The following CNTNAP5 variants were observed in gnomAD, a reference collection of about 807,000 sequenced individuals.
The protein encoded by CNTNAP5 is contactin-associated protein-like 5.
In CNTNAP5, 72 loss-of-function variants were observed where a neutral mutation model predicts 150.2. The ratio of observed to expected loss-of-function variants is 0.48; its 90% CI spans 0.40 to 0.58. The LOEUF (loss-of-function observed/expected upper bound fraction) is 0.58. Among genes scored for constraint, CNTNAP5 ranks in the 20% least tolerant of loss-of-function variants. The pLI, the probability that CNTNAP5 is intolerant of heterozygous loss-of-function variation, is 0.00. For synonymous variants in CNTNAP5, 672 were observed against 619.8 expected (o/e 1.08, Z -1.25); for missense variants, 1,636 against 1,626.2 (o/e 1.01, Z -0.10).
At chr2:124,759,609 C>G (rs1391408120) in intron 14 of CNTNAP5, among the ~76,000 whole-genome samples, 1 of 151,592 alleles carries the variant, frequency 6.6e-6, no homozygotes, top group East Asian at 1.9e-4. Context: ...ATTCATATAC[C>G]AAGACCTGCT....
chr2:124,190,907 C>T (rs1454659365), intron 1 of CNTNAP5, among the ~76,000 whole-genome samples: 4 of 152,226 alleles, frequency 2.6e-5, no homozygotes, highest in East Asian at 1.9e-4. Flanking sequence ...TTATTTACCC[C>T]GGCATGAGTT....
chr2:124,903,520 A>G (rs570130067), intron 22 of CNTNAP5, among the ~76,000 whole-genome samples: 1 of 152,306 alleles, frequency 6.6e-6, no homozygotes, highest in African/African-American at 2.4e-5. Flanking sequence ...TTATTAAGAA[A>G]TAATTGACAA....
chr2:124,054,079 TCGACTTATCA>T (rs1285359762), intron 1 of CNTNAP5, among the ~76,000 whole-genome samples: 6 of 152,136 alleles, frequency 3.9e-5, no homozygotes, highest in Non-Finnish European at 7.3e-5. Context: ...TAGACAAGGA[TCGACTTATCA>T]CAGTTACAGA....
chr2:124,231,512 G>A (rs749197), intron 2 of CNTNAP5, among the ~76,000 whole-genome samples: 2,297 of 152,182 alleles, frequency 0.015, 70 homozygotes, highest in African/African-American at 0.053. Flanking sequence ...GAATAAAGAT[G>A]CTCTTGACAT....
intron 3 of CNTNAP5, among the ~76,000 whole-genome samples, chr2:124,355,796 C>A (rs1689983530): frequency 6.6e-6 from 1 of 152,022 alleles, no homozygotes; most frequent in Non-Finnish European, 1.5e-5. Flanking sequence ...TTGTAATTTG[C>A]ATTTACTGAA....
intron 3 of CNTNAP5, among the ~76,000 whole-genome samples, chr2:124,362,402 A>T (rs1021689414): frequency 6.6e-6 from 1 of 152,222 alleles, no homozygotes; most frequent in African/African-American, 2.4e-5. Flanking sequence ...TATATCGACT[A>T]AGTATTGTTG....
intron 21 of CNTNAP5, among the ~76,000 whole-genome samples, chr2:124,885,371 G>A (rs1678056861): frequency 6.6e-6 from 1 of 151,978 alleles, no homozygotes; most frequent in African/African-American, 2.4e-5. Flanking sequence ...TGAATAAGTA[G>A]GGACTATAGC....
chr2:124,306,320 A>T (rs2104651787), intron 3 of CNTNAP5, among the ~76,000 whole-genome samples: 1 of 152,302 alleles, frequency 6.6e-6, no homozygotes, highest in African/African-American at 2.4e-5. Flanking sequence ...TCCCAGGCAG[A>T]TCTTTCCACC....
chr2:124,026,398 T>G (rs1379667374), intron 1 of CNTNAP5, among the ~76,000 whole-genome samples: 1 of 152,196 alleles, frequency 6.6e-6, no homozygotes, highest in Non-Finnish European at 1.5e-5. Flanking sequence ...CTAATGAGTA[T>G]GCACTAAGTG....
intron 1 of CNTNAP5, among the ~76,000 whole-genome samples, chr2:124,107,703 A>C (rs988481130): frequency 6.6e-6 from 1 of 152,178 alleles, no homozygotes; most frequent in African/African-American, 2.4e-5. Context: ...ATGTGTGTGA[A>C]CCCAAAATAT....
chr2:124,374,257 G>A (rs911080906), intron 3 of CNTNAP5, among the ~76,000 whole-genome samples: 1 of 151,420 alleles, frequency 6.6e-6, no homozygotes, highest in African/African-American at 2.4e-5. Context: ...TACATAAATA[G>A]AACATGTTCT....
chr2:124,161,054 G>C (rs1684665231), intron 1 of CNTNAP5, among the ~76,000 whole-genome samples: 1 of 152,150 alleles, frequency 6.6e-6, no homozygotes, highest in South Asian at 2.1e-4. Flanking sequence ...ACGAGAAAAG[G>C]AAGTATAGAT....
chr2:124,892,375 T>C (rs1228185563), intron 21 of CNTNAP5, among the ~76,000 whole-genome samples: 1 of 152,066 alleles, frequency 6.6e-6, no homozygotes, highest in Admixed American at 6.6e-5. Context: ...TTCCTTGCCC[T>C]ACAGAAAAGT....
intron 3 of CNTNAP5, among the ~76,000 whole-genome samples, chr2:124,407,158 G>C (rs1446816198): frequency 6.6e-6 from 1 of 151,904 alleles, no homozygotes; most frequent in Non-Finnish European, 1.5e-5. Flanking sequence ...TGGGGGTGCA[G>C]GTATCCTTTT....
chr2:124,809,399 T>C (rs1682155895), intron 19 of CNTNAP5, among the ~76,000 whole-genome samples: 1 of 150,478 alleles, frequency 6.6e-6, no homozygotes, highest in Non-Finnish European at 1.5e-5. Context: ...TATTTATTTA[T>C]TTATTTATTT....
intron 16 of CNTNAP5, among the ~76,000 whole-genome samples, chr2:124,772,496 C>T (rs1364087786): frequency 6.6e-6 from 1 of 152,072 alleles, no homozygotes; most frequent in Non-Finnish European, 1.5e-5. Flanking sequence ...GCTGAAGCCA[C>T]AATAGATCCA....
At chr2:124,594,302 T>C (rs1696770592) in intron 11 of CNTNAP5, among the ~76,000 whole-genome samples, 2 of 145,112 alleles carry the variant, frequency 1.4e-5, no homozygotes, top group South Asian at 4.6e-4. Flanking sequence ...CCATCTTGAA[T>C]TGATTTTTGT....
chr2:124,326,222 A>C (rs1357660798), intron 3 of CNTNAP5, among the ~76,000 whole-genome samples: 1 of 152,120 alleles, frequency 6.6e-6, no homozygotes, highest in Non-Finnish European at 1.5e-5. Context: ...GTGCATGGGG[A>C]TTACCATTAC....
chr2:124,677,700 C>T (rs1027190548), intron 13 of CNTNAP5, among the ~76,000 whole-genome samples: 1 of 151,432 alleles, frequency 6.6e-6, no homozygotes, highest in African/African-American at 2.4e-5. Context: ...TTTAGCTAGA[C>T]ACAGAGTGCT....
Sources: gnomAD v4.1 joint callset for allele counts (sites outside exome capture counted in the v4.1 genomes callset) on GRCh38, gnomAD v4.1.1 for gene constraint, MANE v1.5 for transcripts, NCBI Gene and HGNC (gene_info 2026-07-23, HGNC 2026-07-21) for gene names.